Variants in SOX5 observed in about 807,000 individuals in gnomAD.
SOX5 encodes transcription factor SOX-5.
Under a neutral mutation model 92.0 loss-of-function variants are expected in SOX5, and 9 were observed. That is an observed-to-expected ratio of 0.10 (90% confidence interval 0.06 to 0.17). SOX5 has a LOEUF of 0.17. SOX5 is among the 10% of genes least tolerant of loss of function. SOX5 has a pLI of 1.00. For missense variants in SOX5, 642 were observed against 944.5 expected, an observed-to-expected ratio of 0.68 and a Z score of 4.20; for synonymous variants, 344 against 336.3, an observed-to-expected ratio of 1.02 and a Z score of -0.25.
intron 7 of SOX5, among the ~76,000 whole-genome samples, chr12:23,655,159 C>A (rs4963707): frequency 0.25 from 37,385 of 151,706 alleles, 4,755 homozygotes; most frequent in African/African-American, 0.28. Context: ...CATCTCCTTG[C>A]CCGTAAATTG....
chr12:23,828,276 C>T (rs540980223), intron 3 of SOX5, among the ~76,000 whole-genome samples: 16 of 152,294 alleles, frequency 1.1e-4, no homozygotes, highest in Admixed American at 3.3e-4. Context: ...CCTAAGGACA[C>T]ATTTCTCAGA....
chr12:23,593,802 G>A (rs1951927107), intron 9 of SOX5, among the ~76,000 whole-genome samples: 1 of 151,910 alleles, frequency 6.6e-6, no homozygotes, highest in African/African-American at 2.4e-5. Flanking sequence ...ATGACAGGAG[G>A]TGTGACCTTT....
At chr12:24,540,024 T>C (rs1259623839) in intron 1 of SOX5, among the ~76,000 whole-genome samples, 4 of 152,108 alleles carry the variant, frequency 2.6e-5, no homozygotes, top group African/African-American at 9.6e-5. Context: ...TGCTATGAAC[T>C]AGTGCCTTCA....
chr12:23,608,882 T>C (rs910831363), intron 8 of SOX5, among the ~76,000 whole-genome samples: 15 of 152,196 alleles, frequency 9.9e-5, no homozygotes, highest in Non-Finnish European at 2.1e-4. Flanking sequence ...CTCTGGACTA[T>C]TATTGATATA....
chr12:23,603,395 A>G (rs1436086546), intron 9 of SOX5, among the ~76,000 whole-genome samples: 1 of 148,756 alleles, frequency 6.7e-6, no homozygotes, highest in Non-Finnish European at 1.5e-5. Flanking sequence ...CATGGGATGG[A>G]GAACAGAAGC....
chr12:24,254,009 A>C (rs1029940764), intron 3 of SOX5, among the ~76,000 whole-genome samples: 1 of 152,162 alleles, frequency 6.6e-6, no homozygotes, highest in Non-Finnish European at 1.5e-5. Flanking sequence ...AATTAGTGTA[A>C]GGGCTTAGAA....
At chr12:24,411,902 C>G (rs899456813) in intron 1 of SOX5, among the ~76,000 whole-genome samples, 1 of 152,010 alleles carries the variant, frequency 6.6e-6, no homozygotes, top group African/African-American at 2.4e-5. Flanking sequence ...GTAAAACCAT[C>G]TGAAGATTAC....
In SOX5 at chr12:24,393,656, C is replaced by T. The variant is rs1385373057; in HGVS notation, c.-250-25017G>A. 3.9e-5 allele frequency among the ~76,000 whole-genome samples: 6 copies of T among 152,132 alleles called. No homozygotes were observed. The highest frequency in any genetic ancestry group is 1.2e-4 in the African/African-American group (5 of 41,424). ...TTACGCTTTAAGACATGGCCCTTGT[C>T]ATGGAAACTAGTGCTTAATGTAGAA... On this transcript the variant is annotated intron_variant, in intron 1 of 4. Transcript: ENST00000446891. This position sits in a 1 kb window ranked among gnomAD's most constrained non-coding sequence, Gnocchi z 5.0.
chr12:23,577,574 C>T (rs1949364796), intron 9 of SOX5, among the ~76,000 whole-genome samples: 1 of 151,444 alleles, frequency 6.6e-6, no homozygotes, highest in Admixed American at 6.6e-5. Context: ...CTTAAGAATC[C>T]CATGAACAGA....
intron 4 of SOX5, among the ~76,000 whole-genome samples, chr12:24,054,819 T>C (rs1056783894): frequency 5.3e-5 from 8 of 152,210 alleles, no homozygotes; most frequent in Non-Finnish European, 7.3e-5. Flanking sequence ...CACGGGCATG[T>C]ATAAATTGGG....
chr12:24,064,015 T>C (rs942996156), intron 4 of SOX5, among the ~76,000 whole-genome samples: 3 of 152,216 alleles, frequency 2.0e-5, no homozygotes, highest in African/African-American at 7.2e-5. Flanking sequence ...GAGAGGTCTA[T>C]GTTGTAAGTA....
chr12:23,640,270 C>T (rs530898501), intron 8 of SOX5, among the ~76,000 whole-genome samples: 74 of 152,234 alleles, frequency 4.9e-4, no homozygotes, highest in African/African-American at 1.6e-3. Flanking sequence ...ATATTTCGCA[C>T]GGCTAGAAAA....
At chr12:23,894,586 C>A (rs2097159775) in intron 2 of SOX5, among the ~76,000 whole-genome samples, 1 of 152,038 alleles carries the variant, frequency 6.6e-6, no homozygotes, top group Non-Finnish European at 1.5e-5. Flanking sequence ...GAAATCTTGA[C>A]CTATGAGGCT....
intron 1 of SOX5, among the ~76,000 whole-genome samples, chr12:23,925,380 T>C (rs1012180194): frequency 5.3e-5 from 8 of 152,030 alleles, no homozygotes; most frequent in Admixed American, 1.3e-4. Context: ...TATAGGAGAG[T>C]GGTTCATAGC....
intron 4 of SOX5, among the ~76,000 whole-genome samples, chr12:24,098,132 T>G (rs2137914253): frequency 6.6e-6 from 1 of 152,164 alleles, no homozygotes; most frequent in East Asian, 1.9e-4. Context: ...TGCTTGGAAG[T>G]TCGTATGTGT....
intron 5 of SOX5, among the ~76,000 whole-genome samples, chr12:23,738,174 C>T (rs920210277): frequency 3.0e-4 from 46 of 152,260 alleles, no homozygotes; most frequent in Non-Finnish European, 4.6e-4. Context: ...GGGAAAGGCT[C>T]ATCAGTAAAC....
At chr12:24,291,531 G>C (rs1946620113) in intron 2 of SOX5, among the ~76,000 whole-genome samples, 1 of 152,288 alleles carries the variant, frequency 6.6e-6, no homozygotes, top group Non-Finnish European at 1.5e-5. Context: ...AAGAGATGTA[G>C]ATAAATCTGC....
At chr12:24,015,024 G>C (rs1413315833) in intron 4 of SOX5, among the ~76,000 whole-genome samples, 1 of 151,948 alleles carries the variant, frequency 6.6e-6, no homozygotes, top group Non-Finnish European at 1.5e-5. Context: ...ACATAAGCCT[G>C]GGCTAGGCAG....
intron 1 of SOX5, among the ~76,000 whole-genome samples, chr12:24,487,019 G>A (rs1422438408): frequency 2.0e-5 from 3 of 152,148 alleles, no homozygotes; most frequent in Non-Finnish European, 4.4e-5. Context: ...AGCTCATGGG[G>A]AGAGTGAGTT....
Sources: gnomAD v4.1 joint callset for allele counts (sites outside exome capture counted in the v4.1 genomes callset) on GRCh38, gnomAD v4.1.1 for gene constraint, Gnocchi (gnomAD v3.1) non-coding constraint, MANE v1.5 for transcripts, NCBI Gene and HGNC (gene_info 2026-07-23, HGNC 2026-07-21) for gene names.